Variants in CDH13 observed in about 807,000 individuals in gnomAD.
The protein encoded by CDH13 is cadherin 13, also known as cadherin-13.
CDH13 carries 24 observed loss-of-function variants against 63.8 expected under a neutral mutation model. The observed-to-expected ratio is 0.38, with a 90% CI of 0.27 to 0.53. CDH13 has a LOEUF of 0.53. Ranked by LOEUF, CDH13 falls within the 20% of genes least tolerant of loss-of-function variation. The pLI is 0.85. For synonymous variants in CDH13, 503 were observed against 355.3 expected (o/e 1.42, Z -4.67); for missense variants, 1,049 against 903.1 (o/e 1.16, Z -2.07).
At chr16:83,364,515 C>A (rs1332453693) in intron 6 of CDH13, among the ~76,000 whole-genome samples, 1 of 152,194 alleles carries the variant, frequency 6.6e-6, no homozygotes, top group Non-Finnish European at 1.5e-5. Flanking sequence ...CACATCTTCT[C>A]TAAGACCATG....
intron 10 of CDH13, among the ~76,000 whole-genome samples, chr16:83,712,731 T>A (rs1908254707): frequency 6.6e-6 from 1 of 152,228 alleles, no homozygotes; most frequent in South Asian, 2.1e-4. Flanking sequence ...GTTTCAGTAT[T>A]ACAGACATTG....
At chr16:83,082,405 A>T (rs964539808) in intron 3 of CDH13, among the ~76,000 whole-genome samples, 1 of 152,018 alleles carries the variant, frequency 6.6e-6, no homozygotes, top group Admixed American at 6.6e-5. Flanking sequence ...CAGGTGGATC[A>T]CTTGAGGTCA....
intron 1 of CDH13, among the ~76,000 whole-genome samples, chr16:82,813,545 T>G (rs1051505309): frequency 2.0e-5 from 3 of 152,140 alleles, no homozygotes; most frequent in African/African-American, 7.2e-5. Context: ...ATGAGCTACC[T>G]GGGGTTAAGA....
intron 6 of CDH13, among the ~76,000 whole-genome samples, chr16:83,419,773 G>T (rs954088743): frequency 1.3e-5 from 2 of 152,174 alleles, no homozygotes; most frequent in Non-Finnish European, 2.9e-5. Context: ...ATTATAAAAT[G>T]CATTTTTCTC....
intron 2 of CDH13, among the ~76,000 whole-genome samples, chr16:83,014,774 A>ATTTGTATATATATG (rs1394588994): frequency 2.8e-5 from 1 of 36,312 alleles, no homozygotes; most frequent in Non-Finnish European, 5.6e-5. Context: ...ATATATATAT[A>ATTTGTATATATATG]TGTATATATA....
rs577325620 is a variant in CDH13 at position 83,590,776 on chromosome 16, G to A, written c.961-11678G>A. ...GCTAACCGAAGTGTGCCCCTAAATC[G>A]ACGACATCAGCGTCTCCAAGAAACT... On this transcript the variant is annotated intron_variant, in intron 7 of 13. Transcript: ENST00000567109. Among the ~76,000 whole-genome samples, 21 of 151,324 alleles carry A rather than the reference G, an allele frequency of 1.4e-4. No individual in the cohort carries two copies. In the South Asian group the frequency reaches 2.5e-3, roughly 18 times the overall value.
chr16:83,580,500 CT>C (rs2150720837), intron 7 of CDH13, among the ~76,000 whole-genome samples: 2 of 107,096 alleles, frequency 1.9e-5, no homozygotes, highest in Non-Finnish European at 3.8e-5. Flanking sequence ...CTCTCTCTCT[CT>C]CTCTCTAAGT....
At chr16:83,623,474 A>C (rs952464125) in intron 8 of CDH13, among the ~76,000 whole-genome samples, 18 of 152,188 alleles carry the variant, frequency 1.2e-4, no homozygotes, top group Non-Finnish European at 2.6e-4. Context: ...AGCTTCACTC[A>C]TCATGGTCGT....
intron 2 of CDH13, among the ~76,000 whole-genome samples, chr16:82,989,003 A>T: frequency 6.6e-6 from 1 of 152,300 alleles, no homozygotes; most frequent in East Asian, 1.9e-4. Flanking sequence ...GATATTAGAT[A>T]AATAAATTAA....
At chr16:82,703,743 T>C (rs953349148) in intron 1 of CDH13, among the ~76,000 whole-genome samples, 1 of 152,190 alleles carries the variant, frequency 6.6e-6, no homozygotes, top group African/African-American at 2.4e-5. Flanking sequence ...CAATAGATTG[T>C]GCCTTCTGGC....
At chr16:83,356,340 C>T (rs1296118302) in intron 6 of CDH13, among the ~76,000 whole-genome samples, 5 of 151,812 alleles carry the variant, frequency 3.3e-5, no homozygotes, top group African/African-American at 1.2e-4. Context: ...CAGGTAACTC[C>T]ACGCAGCCCA....
chr16:83,102,583 G>T (rs978127167), intron 3 of CDH13, among the ~76,000 whole-genome samples: 2 of 152,162 alleles, frequency 1.3e-5, no homozygotes, highest in African/African-American at 4.8e-5. Flanking sequence ...GATCGCACTG[G>T]AAGCTACGAA....
At chr16:83,733,577 G>A (rs961429872) in intron 10 of CDH13, among the ~76,000 whole-genome samples, 7 of 152,134 alleles carry the variant, frequency 4.6e-5, no homozygotes, top group African/African-American at 7.2e-5. Context: ...TGTGGTCCCC[G>A]CTGCAGCTGG....
intron 1 of CDH13, among the ~76,000 whole-genome samples, chr16:82,661,095 C>T (rs1012560423): frequency 6.6e-6 from 1 of 152,140 alleles, no homozygotes; most frequent in East Asian, 1.9e-4. Context: ...GCCCAGGGGC[C>T]GGTGTGATGT....
chr16:83,549,598 A>C (rs2075453091), intron 7 of CDH13, among the ~76,000 whole-genome samples: 2 of 151,810 alleles, frequency 1.3e-5, no homozygotes, highest in African/African-American at 2.4e-5. Flanking sequence ...CTCCCGTAGC[A>C]CTGGGACTAT....
At chr16:82,653,719 G>A (rs1195850289) in intron 1 of CDH13, among the ~76,000 whole-genome samples, 1 of 152,154 alleles carries the variant, frequency 6.6e-6, no homozygotes, top group Non-Finnish European at 1.5e-5. Flanking sequence ...CACCCTGGAG[G>A]CGCAGGAACT....
chr16:83,113,974 G>T (rs866728633), intron 3 of CDH13, among the ~76,000 whole-genome samples: 50 of 137,478 alleles, frequency 3.6e-4, no homozygotes, highest in Admixed American at 4.1e-4. Context: ...GGAGAAGAAT[G>T]TTTGTAAAAG....
chr16:83,317,578 A>G (rs534235012), intron 5 of CDH13, among the ~76,000 whole-genome samples: 1 of 152,136 alleles, frequency 6.6e-6, no homozygotes, highest in African/African-American at 2.4e-5. Flanking sequence ...AGGCAGGTGG[A>G]TCACCTGAGG....
At chr16:82,940,198 G>C (rs573217750) in intron 2 of CDH13, among the ~76,000 whole-genome samples, 1 of 152,222 alleles carries the variant, frequency 6.6e-6, no homozygotes, top group South Asian at 2.1e-4. Context: ...ATATCAGTAG[G>C]TCAAATGCAA....
Sources: gnomAD v4.1 joint callset for allele counts (sites outside exome capture counted in the v4.1 genomes callset) on GRCh38, gnomAD v4.1.1 for gene constraint, MANE v1.5 for transcripts, NCBI Gene and HGNC (gene_info 2026-07-23, HGNC 2026-07-21) for gene names.